Variants in PNPT1 observed in about 807,000 individuals in gnomAD.
PNPT1 encodes polyribonucleotide nucleotidyltransferase 1, mitochondrial.
In PNPT1, 53 loss-of-function variants were observed where a neutral mutation model predicts 119.5. The observed-to-expected ratio is 0.44, with a 90% CI of 0.36 to 0.56. The LOEUF (loss-of-function observed/expected upper bound fraction) is 0.56. Among genes scored for constraint, PNPT1 ranks in the 20% least tolerant of loss-of-function variants. The pLI is 0.00. For missense variants in PNPT1, 948 were observed against 938.5 expected (o/e 1.01, Z -0.13); for synonymous variants, 357 against 322.1 (o/e 1.11, Z -1.16).
At chr2:55,654,693 G>T (rs1696328542) in intron 18 of PNPT1, among the ~76,000 whole-genome samples, 1 of 152,134 alleles carries the variant, frequency 6.6e-6, no homozygotes, top group Non-Finnish European at 1.5e-5. Context: ...CAAATTTAAA[G>T]AAATCTTATA....
intron 19 of PNPT1, 73 bp from the exon 20 acceptor site, chr2:55,646,559 T>C (rs1696011483): frequency 1.6e-6 from 2 of 1,232,414 alleles, no homozygotes; most frequent in Non-Finnish European, 2.3e-6. Context: ...GTAGAAACAT[T>C]TCAAAAAACA....
At chr2:55,679,503 T>C (rs1697180591) in intron 8 of PNPT1, among the ~76,000 whole-genome samples, 179 bp downstream of exon 8, 2 of 152,120 alleles carry the variant, frequency 1.3e-5, no homozygotes, top group African/African-American at 2.4e-5. Flanking sequence ...TTGAATAAAA[T>C]CCTGTAATTT....
intron 7 of PNPT1, among the ~76,000 whole-genome samples, chr2:55,680,163 A>C (rs2104154220): frequency 6.6e-6 from 1 of 152,314 alleles, no homozygotes; most frequent in Non-Finnish European, 1.5e-5. Context: ...ACAAAATCAA[A>C]TCTGCTCTTC....
intron 22 of PNPT1, chr2:55,645,018 TA>T: frequency 4.7e-5 from 13 of 279,064 alleles, no homozygotes; most frequent in Non-Finnish European, 7.3e-5. Flanking sequence ...CCATGATCAC[TA>T]AAATTTTTTT....
intron 1 of PNPT1, among the ~76,000 whole-genome samples, chr2:55,689,544 C>G (rs1697524870): frequency 6.6e-6 from 1 of 152,178 alleles, no homozygotes; most frequent in Non-Finnish European, 1.5e-5. Context: ...GAACAAAGTA[C>G]TAATACATGT....
chr2:55,651,884 TCA>T (rs1491391895), intron 18 of PNPT1, among the ~76,000 whole-genome samples: 4 of 24,112 alleles, frequency 1.7e-4, no homozygotes, highest in Non-Finnish European at 4.3e-4. Flanking sequence ...AAAAGGAAAG[TCA>T]AAAAAAAAAA....
chr2:55,666,944 A>C, intron 13 of PNPT1, 47 bp downstream of exon 13: 1 of 1,286,994 alleles, frequency 7.8e-7, no homozygotes, highest in Non-Finnish European at 1.1e-6. Context: ...AGATCTAATT[A>C]AACAATCTTA....
rs192572855 is a variant in PNPT1, at chr2:55,642,382, G to A, written c.2069+776C>T. 7.9e-3 allele frequency among the ~76,000 whole-genome samples: 1,197 copies of A among 151,658 alleles called. 13 individuals are homozygous for A. The highest frequency in any genetic ancestry group is 0.013 in the Non-Finnish European group (851 of 67,868). ...AGTACTTTGGGAGGCCGAGGGGGGC[G>A]GATCACAAGGTCAGGAGATCGAGAC... On this transcript the variant is annotated intron_variant, in intron 25 of 27. Coordinates refer to ENST00000447944, the MANE Select transcript of PNPT1 (RefSeq NM_033109.5).
chr2:55,679,835 T>C (rs752110469), intron 7 of PNPT1, 40 bp from the exon 8 acceptor site: 4 of 1,386,148 alleles, frequency 2.9e-6, no homozygotes, highest in Admixed American at 1.9e-5. Flanking sequence ...TTAATGGAAA[T>C]ACCCAGTTTT....
intron 1 of PNPT1, among the ~76,000 whole-genome samples, chr2:55,692,958 T>A (rs549256023): frequency 6.6e-6 from 1 of 152,134 alleles, no homozygotes; most frequent in African/African-American, 2.4e-5. Flanking sequence ...CTTGCCTCTC[T>A]CCCTGTCACT....
chr2:55,684,290 G>A (rs756332715), intron 4 of PNPT1, among the ~76,000 whole-genome samples: 1 of 152,180 alleles, frequency 6.6e-6, no homozygotes, highest in Non-Finnish European at 1.5e-5. Flanking sequence ...AGGAGTTCAA[G>A]ACCAGCCTGA....
chr2:55,668,030 G>T (rs1696792895), intron 11 of PNPT1, 72 bp from the exon 12 acceptor site: 6 of 1,310,622 alleles, frequency 4.6e-6, no homozygotes, highest in Non-Finnish European at 6.3e-6. Flanking sequence ...AAAGTTCATA[G>T]CATAATATCA....
intron 8 of PNPT1, among the ~76,000 whole-genome samples, chr2:55,673,881 T>C (rs1159038017): frequency 6.6e-6 from 1 of 151,804 alleles, no homozygotes; most frequent in South Asian, 2.1e-4. Flanking sequence ...AGCCACTACA[T>C]CCAGCTAATT....
chr2:55,637,560 C>T lies in PNPT1; in HGVS notation c.2188G>A (p.Glu730Lys), dbSNP rs1228800641. 1.9e-6 allele frequency: 3 copies of T among 1,603,596 alleles called. No homozygotes were observed. The highest frequency in any genetic ancestry group is 2.7e-5 in the African/African-American group (2 of 74,622). Residue 730 changes from glutamate (E) to lysine (K), a missense_variant, in exon 27 of 28, where the codon GAA becomes AAA. Glu to Lys is a moderately conservative substitution (Grantham distance 56). Coordinates refer to ENST00000447944, the MANE Select transcript of PNPT1 (RefSeq NM_033109.5). ...AGGTGGAATACAAATACCTGAATTT[C>T]TTGGCCAACTTCTAATCCTAGGGCA... is the stretch of plus-strand genomic sequence containing the variant. ...PTALGLEVGQEIQVKYFGRDP... is the reference protein window; with the variant it reads ...PTALGLEVGQKIQVKYFGRDP...
intron 18 of PNPT1, among the ~76,000 whole-genome samples, chr2:55,650,294 C>T (rs548632983): frequency 2.4e-4 from 37 of 152,294 alleles, no homozygotes; most frequent in Non-Finnish European, 3.8e-4. Flanking sequence ...AGGCGCGCGC[C>T]GCCACGCCTG....
intron 18 of PNPT1, among the ~76,000 whole-genome samples, chr2:55,651,185 G>A (rs1246568305): frequency 2.0e-4 from 30 of 151,248 alleles, no homozygotes; most frequent in Admixed American, 1.6e-3. Flanking sequence ...CAGCCGCCCC[G>A]TCTGGGAGGT....
chr2:55,680,835 A>T lies in PNPT1; in HGVS notation c.517+20T>A, dbSNP rs1377598693. 1 of 1,612,684 alleles carries T rather than the reference A, an allele frequency of 6.2e-7. No individual in the cohort carries two copies. The highest frequency in any genetic ancestry group is 8.5e-7 in the Non-Finnish European group (1 of 1,179,124). On this transcript the variant is annotated intron_variant, in intron 6 of 27. Coordinates refer to ENST00000447944, the MANE Select transcript of PNPT1 (RefSeq NM_033109.5). ...AAAAATTTTTAATCTGATAATTTTA[A>T]TCTCTACTTTTATACTTACCGCCAT... is the stretch of plus-strand genomic sequence containing the variant.
intron 7 of PNPT1, 151 bp from the exon 8 acceptor site, chr2:55,679,946 A>G (rs1697193652): frequency 1.7e-6 from 1 of 592,896 alleles, no homozygotes; most frequent in Admixed American, 3.4e-5. Flanking sequence ...AGAACATCCT[A>G]CCCCACCCTA....
At chr2:55,670,263 T>A (rs535809779) in intron 11 of PNPT1, among the ~76,000 whole-genome samples, 3 of 152,182 alleles carry the variant, frequency 2.0e-5, no homozygotes, top group Non-Finnish European at 2.9e-5. Context: ...CTCGACTCGC[T>A]GCAAGCTCCA....
Sources: gnomAD v4.1 joint callset for allele counts (sites outside exome capture counted in the v4.1 genomes callset) on GRCh38, gnomAD v4.1.1 for gene constraint, MANE v1.5 for transcripts, NCBI Gene and HGNC (gene_info 2026-07-23, HGNC 2026-07-21) for gene names.